MACROD2: variants seen among roughly 807,000 people sequenced by gnomAD.
MACROD2 encodes ADP-ribose glycohydrolase MACROD2.
In MACROD2, 36 loss-of-function variants were observed where a neutral mutation model predicts 70.4. The observed-to-expected ratio is 0.51, with a 90% confidence interval of 0.39 to 0.68. The LOEUF (loss-of-function observed/expected upper bound fraction) is 0.68, where lower values mean the gene tolerates loss of function less well. Among genes scored for constraint, MACROD2 ranks in the 30% least tolerant of loss-of-function variants. The pLI, the probability that MACROD2 is intolerant of heterozygous loss-of-function variation, is 0.00. For synonymous variants in MACROD2, 172 were observed against 178.8 expected, an observed-to-expected ratio of 0.96 and a Z score of 0.30; for missense variants, 496 against 538.4, an observed-to-expected ratio of 0.92 and a Z score of 0.78.
chr20:14,024,010 T>A (rs916117334), intron 2 of MACROD2, among the ~76,000 whole-genome samples: 3 of 152,236 alleles, frequency 2.0e-5, no homozygotes, highest in African/African-American at 7.2e-5. Context: ...ATTTTCACGA[T>A]ACTGATTCTT....
intron 6 of MACROD2, among the ~76,000 whole-genome samples, chr20:15,404,041 G>A (rs1216530865): frequency 6.6e-6 from 1 of 152,072 alleles, no homozygotes; most frequent in Non-Finnish European, 1.5e-5. Context: ...TATTTTGGTG[G>A]ACATAGCCAT....
At chr20:14,179,858 T>C (rs2081292505) in intron 3 of MACROD2, among the ~76,000 whole-genome samples, 1 of 152,186 alleles carries the variant, frequency 6.6e-6, no homozygotes, top group African/African-American at 2.4e-5. Flanking sequence ...TCAGACTAGA[T>C]AGTGTGTCTA....
intron 3 of MACROD2, among the ~76,000 whole-genome samples, chr20:14,396,562 C>T (rs1452750557): frequency 6.6e-6 from 1 of 152,134 alleles, no homozygotes; most frequent in African/African-American, 2.4e-5. Flanking sequence ...TGACATTCTT[C>T]TAACTTTTTT....
At chr20:15,493,660 A>C (rs1269968161) in intron 7 of MACROD2, among the ~76,000 whole-genome samples, 1 of 152,214 alleles carries the variant, frequency 6.6e-6, no homozygotes, top group Admixed American at 6.5e-5. Flanking sequence ...TAATAGGGAA[A>C]TATCAATAAC....
chr20:15,261,936 T>A lies in MACROD2; in HGVS notation c.540+31875T>A, dbSNP rs369620504. 2.6e-5 allele frequency among the ~76,000 whole-genome samples: 4 copies of A among 152,094 alleles called. No individual in the cohort carries two copies. The South Asian group carries it at 8.3e-4, about 32-fold the overall frequency. The stretch of plus-strand genomic sequence containing the variant: ...AATTTTTGTGGGTACATGGTAGGTG[T>A]ATATTTTTAGAAAGTACATGAGATA... On this transcript the variant is annotated intron_variant, in intron 6 of 17. Coordinates refer to ENST00000684519, the MANE Select transcript of MACROD2 (RefSeq NM_001351661.2).
intron 15 of MACROD2, among the ~76,000 whole-genome samples, chr20:16,024,079 C>A (rs1385514853): frequency 1.3e-5 from 2 of 152,088 alleles, no homozygotes; most frequent in African/African-American, 4.8e-5. Context: ...AGCTAGGAGA[C>A]TTAGGTGTCT....
At chr20:15,157,235 CCTTCT>C (rs2076313003) in intron 5 of MACROD2, among the ~76,000 whole-genome samples, 1 of 152,026 alleles carries the variant, frequency 6.6e-6, no homozygotes, top group African/African-American at 2.4e-5. Flanking sequence ...GAGACAGCCT[CCTTCT>C]CTTTGTGCAC....
At position 14,026,291 on chromosome 20, in the gene MACROD2, T is replaced by C. The variant is rs147038319; in HGVS notation, c.163+23887T>C. ...AGCACACTGATGAGTCTTGACTCTT[T>C]ATCCAATTTGCCAGTCTGTGTCTTT... On this transcript the variant is annotated intron_variant, in intron 2 of 17. Coordinates refer to ENST00000684519, the MANE Select transcript of MACROD2 (RefSeq NM_001351661.2). 4.0e-3 allele frequency among the ~76,000 whole-genome samples: 614 copies of C among 152,338 alleles called. 1 individual carries two copies. Among genetic ancestry groups the C allele is most frequent in the East Asian group, 0.01 (52 of 5,188 alleles).
chr20:16,011,672 T>C (rs961493356), intron 15 of MACROD2, among the ~76,000 whole-genome samples: 4 of 152,178 alleles, frequency 2.6e-5, no homozygotes, highest in Admixed American at 1.3e-4. Flanking sequence ...AGGTGTGCAG[T>C]GTAGGGAAGT....
chr20:15,905,979 A>C (rs960134418), intron 10 of MACROD2, among the ~76,000 whole-genome samples: 1 of 152,234 alleles, frequency 6.6e-6, no homozygotes, highest in African/African-American at 2.4e-5. Flanking sequence ...TAGACAGAAA[A>C]TGCTAGCAGA....
At chr20:15,775,027 C>A (rs2051698001) in intron 8 of MACROD2, among the ~76,000 whole-genome samples, 1 of 151,998 alleles carries the variant, frequency 6.6e-6, no homozygotes, top group South Asian at 2.1e-4. Context: ...TGCAGGGTGG[C>A]CATTCTGACG....
chr20:14,284,769 G>C (rs2208454), intron 3 of MACROD2, among the ~76,000 whole-genome samples: 2 of 152,018 alleles, frequency 1.3e-5, no homozygotes, highest in African/African-American at 4.8e-5. Context: ...TTGATTTTAT[G>C]TTGGCCTAAC....
intron 5 of MACROD2, among the ~76,000 whole-genome samples, chr20:15,096,321 CT>C (rs1368420987): frequency 2.0e-5 from 3 of 151,892 alleles, no homozygotes; most frequent in Non-Finnish European, 4.4e-5. Context: ...GGCTGCATCC[CT>C]TTTTCCGAAT....
intron 3 of MACROD2, among the ~76,000 whole-genome samples, chr20:14,237,008 C>G (rs1601385822): frequency 6.6e-6 from 1 of 152,080 alleles, no homozygotes. Context: ...TTTATCCTTA[C>G]TCTTCAATAA....
intron 6 of MACROD2, among the ~76,000 whole-genome samples, chr20:15,376,363 G>A (rs1016206816): frequency 2.0e-5 from 3 of 152,100 alleles, no homozygotes; most frequent in Non-Finnish European, 2.9e-5. Flanking sequence ...CAGGTGGTTG[G>A]ATATCCTGAG....
At chr20:16,030,705 A>G (rs1169080972) in intron 15 of MACROD2, among the ~76,000 whole-genome samples, 1 of 152,236 alleles carries the variant, frequency 6.6e-6, no homozygotes, top group South Asian at 2.1e-4. Context: ...AAATCAGTTA[A>G]GAACAGCAAA....
intron 8 of MACROD2, among the ~76,000 whole-genome samples, chr20:15,584,289 C>G (rs1347043329): frequency 3.3e-5 from 5 of 152,058 alleles, no homozygotes. Context: ...AGTTGAAGAA[C>G]CTCTGGTTTA....
chr20:14,875,744 T>G (rs1332592690), intron 5 of MACROD2, among the ~76,000 whole-genome samples: 1 of 152,156 alleles, frequency 6.6e-6, no homozygotes, highest in Non-Finnish European at 1.5e-5. Flanking sequence ...GTATTTTGTT[T>G]TCTGTTCTTG....
intron 5 of MACROD2, among the ~76,000 whole-genome samples, chr20:14,808,122 A>G (rs2072662478): frequency 6.6e-6 from 1 of 150,848 alleles, no homozygotes; most frequent in African/African-American, 2.4e-5. Context: ...CAAGAAGAGT[A>G]ACATAATTGT....
Sources: gnomAD v4.1 joint callset for allele counts (sites outside exome capture counted in the v4.1 genomes callset) on GRCh38, gnomAD v4.1.1 for gene constraint, MANE v1.5 for transcripts, NCBI Gene and HGNC (gene_info 2026-07-23, HGNC 2026-07-21) for gene names.